Variants in INPP4A observed in about 807,000 individuals in gnomAD.
INPP4A encodes the protein inositol polyphosphate-4-phosphatase, type I, 107kD.
Under a neutral mutation model 119.8 loss-of-function variants are expected in INPP4A, and 33 were observed. That is an observed-to-expected ratio of 0.28 (90% confidence interval 0.21 to 0.37). The LOEUF (loss-of-function observed/expected upper bound fraction) is 0.37, where lower values mean the gene tolerates loss of function less well. Among genes scored for constraint, INPP4A ranks in the 10% least tolerant of loss-of-function variants. INPP4A has a pLI of 1.00. For missense variants in INPP4A, 956 were observed against 1,289.9 expected (o/e 0.74, Z 3.97); for synonymous variants, 496 against 500.7 (o/e 0.99, Z 0.12).
chr2:98,524,212 A>G (rs1287815899), intron 4 of INPP4A, among the ~76,000 whole-genome samples: 1 of 152,170 alleles, frequency 6.6e-6, no homozygotes, highest in Admixed American at 6.6e-5. Context: ...TCTTGAATAT[A>G]GCATTGTTGA....
intron 13 of INPP4A, among the ~76,000 whole-genome samples, chr2:98,549,756 T>C (rs182292328): frequency 6.6e-6 from 1 of 152,294 alleles, no homozygotes; most frequent in Non-Finnish European, 1.5e-5. Context: ...CATTCCCCGA[T>C]GTCCAGGCTG....
chr2:98,521,797 G>A (rs79300573), intron 4 of INPP4A: 2,327 of 152,058 alleles, frequency 0.015, 67 homozygotes, highest in African/African-American at 0.053. Context: ...TTACCTGGCT[G>A]TAGTGGCACA....
intron 1 of INPP4A, among the ~76,000 whole-genome samples, chr2:98,479,707 G>A (rs991696759): frequency 6.6e-6 from 1 of 152,196 alleles, no homozygotes; most frequent in Admixed American, 6.5e-5. Flanking sequence ...GGTTGCAAAT[G>A]GAATTCGGGG....
intron 24 of INPP4A, among the ~76,000 whole-genome samples, chr2:98,586,425 C>T (rs903579430): frequency 6.6e-6 from 1 of 151,824 alleles, no homozygotes; most frequent in African/African-American, 2.4e-5. Flanking sequence ...GCAAATTTTA[C>T]ATCTCATAAG....
intron 24 of INPP4A, among the ~76,000 whole-genome samples, chr2:98,578,184 C>G (rs1186231686): frequency 6.6e-6 from 1 of 152,198 alleles, no homozygotes; most frequent in African/African-American, 2.4e-5. Flanking sequence ...GACCGGTGCT[C>G]TGGGGCGCCT....
rs1162814863 is a variant in INPP4A at position 98,590,001 on chromosome 2, A to T, written c.*2393A>T. 5 of 191,396 alleles carry T rather than the reference A, an allele frequency of 2.6e-5. No homozygotes were observed. The highest frequency in any genetic ancestry group is 1.2e-4 in the African/African-American group (5 of 42,958). The allele number at this position is 191,396 out of a possible 1,614,324, so 11.9% of individuals were successfully genotyped here. ...TTGTATTTGCCAAGCTTAGTGCATT[A>T]TGATACCTTTATTTATTTGTTTTGG... On this transcript the variant is annotated 3_prime_UTR_variant, in exon 25 of 25. Transcript: ENST00000409851.
At chr2:98,483,283 T>C (rs759073937) in intron 1 of INPP4A, among the ~76,000 whole-genome samples, 2 of 152,206 alleles carry the variant, frequency 1.3e-5, no homozygotes, top group African/African-American at 2.4e-5. Flanking sequence ...ATTCATCGAA[T>C]TCTTTGTGTT....
Position 98,519,954 on chromosome 2 carries a change from C to T in INPP4A, c.-95C>T. On this transcript the variant is annotated 5_prime_UTR_variant, in exon 3 of 25. Transcript: ENST00000409851. ...AGTGCTCCTTTTCTCAGGGCTACTG[C>T]CACTTTAGTGGACTAGGGCTCGGTG... is the stretch of plus-strand genomic sequence containing the variant. 1.1e-6 allele frequency: 1 copy of T among 925,752 alleles called. No homozygotes were observed. The allele number at this position is 925,752 out of a possible 1,614,324, so 57.3% of individuals were successfully genotyped here. A position where few individuals can be genotyped will look rare whatever the true frequency, so the allele number is the denominator to read the frequency against.
Position 98,468,581 on chromosome 2 carries a change from AAGG to A in INPP4A, c.-166+23498_-166+23500del, listed in dbSNP as rs1675279051. On this transcript the variant is annotated intron_variant, in intron 1 of 24. Transcript: ENST00000409851. Reference sequence around the variant, plus strand: ...AAGGTGCCACTAGGGGAGGGTAATAAAGGAAGGAAGGGGAATGAAATCCAAACC... The same window carrying A: ...AAGGTGCCACTAGGGGAGGGTAATAAAAGGAAGGGGAATGAAATCCAAACC... Among the ~76,000 whole-genome samples the A allele has an allele frequency of 2.7e-5, 4 of 149,060 alleles. No homozygotes were observed. In the South Asian group the frequency reaches 8.7e-4, roughly 32 times the overall value.
intron 1 of INPP4A, among the ~76,000 whole-genome samples, chr2:98,499,610 A>C (rs1682708390): frequency 1.3e-5 from 2 of 152,226 alleles, no homozygotes; most frequent in Middle Eastern, 3.2e-3. Context: ...TAAACCACAC[A>C]GGGCAGGGCA....
chr2:98,575,948 C>T (rs1189670291), intron 23 of INPP4A, among the ~76,000 whole-genome samples: 2 of 152,162 alleles, frequency 1.3e-5, no homozygotes, highest in Non-Finnish European at 2.9e-5. Context: ...CTGTGGTACA[C>T]AGTTGGTGTT....
intron 1 of INPP4A, among the ~76,000 whole-genome samples, chr2:98,474,906 A>T (rs927918669): frequency 2.6e-5 from 4 of 152,198 alleles, no homozygotes; most frequent in African/African-American, 9.6e-5. Flanking sequence ...GCAGTGGCTC[A>T]GCTTTGTTAA....
Position 98,546,129 on chromosome 2 carries a change from G to T in INPP4A, c.1054+56G>T. 7.9e-7 allele frequency: 1 copy of T among 1,271,004 alleles called. No individual in the cohort carries two copies. The allele number at this position is 1,271,004 out of a possible 1,614,324, so 78.7% of individuals were successfully genotyped here. On this transcript the variant is annotated intron_variant, in intron 12 of 24. Transcript: ENST00000409851. The surrounding 1 kb of genome is among the most constrained non-coding windows in gnomAD (Gnocchi z 4.2). ...TCACATTTCGCTGCTTTTCTCTGTG[G>T]GTACTTGGTCCCTGAGTACCCCACA... is the stretch of plus-strand genomic sequence containing the variant.
chr2:98,473,420 G>A (rs879595827), intron 1 of INPP4A, among the ~76,000 whole-genome samples: 6 of 151,272 alleles, frequency 4.0e-5, no homozygotes, highest in Non-Finnish European at 8.8e-5. Flanking sequence ...AGAGTGTTGA[G>A]GGCAGTGTGA....
chr2:98,575,949 A>G (rs1425517651), intron 23 of INPP4A, among the ~76,000 whole-genome samples: 1 of 152,218 alleles, frequency 6.6e-6, no homozygotes, highest in Non-Finnish European at 1.5e-5. Context: ...TGTGGTACAC[A>G]GTTGGTGTTT....
At chr2:98,518,044 G>A (rs904373797) in intron 1 of INPP4A, among the ~76,000 whole-genome samples, 2 of 152,204 alleles carry the variant, frequency 1.3e-5, no homozygotes, top group Admixed American at 6.5e-5. Context: ...TTTACCATGT[G>A]TGTTCCTCAT....
chr2:98,578,314 G>T (rs1472009678), intron 24 of INPP4A, among the ~76,000 whole-genome samples: 1 of 152,230 alleles, frequency 6.6e-6, no homozygotes, highest in East Asian at 1.9e-4. Flanking sequence ...TAGCTGCACG[G>T]TGGTGGGAGG....
At chr2:98,495,859 C>T (rs777855364) in intron 1 of INPP4A, among the ~76,000 whole-genome samples, 3 of 152,148 alleles carry the variant, frequency 2.0e-5, no homozygotes, top group Non-Finnish European at 4.4e-5. Context: ...AGGAAAAAGA[C>T]CTGGAAAGGG....
chr2:98,495,851 GA>G (rs1005407679), intron 1 of INPP4A, among the ~76,000 whole-genome samples: 7 of 152,182 alleles, frequency 4.6e-5, no homozygotes, highest in African/African-American at 1.7e-4. Context: ...CCCGGGTCAG[GA>G]AAAAGACCTG....
Sources: gnomAD v4.1 joint callset for allele counts (sites outside exome capture counted in the v4.1 genomes callset) on GRCh38, gnomAD v4.1.1 for gene constraint, Gnocchi (gnomAD v3.1) non-coding constraint, MANE v1.5 for transcripts, NCBI Gene and HGNC (gene_info 2026-07-23, HGNC 2026-07-21) for gene names.